DUSP22: variants seen among roughly 807,000 people sequenced by gnomAD.
The protein encoded by DUSP22 is dual specificity protein phosphatase 22.
DUSP22 carries 24 observed loss-of-function variants against 24.5 expected under a neutral mutation model. That is an observed-to-expected ratio of 0.98 (90% confidence interval 0.71 to 1.38). DUSP22 has a LOEUF of 1.38. DUSP22 is among the 40% of genes most tolerant of loss of function. The pLI is 0.00. For synonymous variants in DUSP22, 160 were observed against 106.4 expected (o/e 1.50, Z -3.10); for missense variants, 330 against 269.2 (o/e 1.23, Z -1.58).
chr6:339,295 C>T (rs1361419641), intron 4 of DUSP22, among the ~76,000 whole-genome samples: 12 of 152,304 alleles, frequency 7.9e-5, no homozygotes, highest in Admixed American at 6.5e-5. Flanking sequence ...CCTCTCTTCT[C>T]TCATCTGTAA....
rs1760080178 is a variant in DUSP22, at chr6:349,548, G to A, written c.*597G>A. 7.1e-6 allele frequency: 7 copies of A among 990,566 alleles called. No homozygotes were observed. Among genetic ancestry groups the A allele is most frequent in the Non-Finnish European group, 7.2e-6 (6 of 833,776 alleles). 61.4% of individuals were successfully genotyped at this position (990,566 alleles called of 1,614,324 possible). A position where few individuals can be genotyped will look rare whatever the true frequency, so the allele number is the denominator to read the frequency against. ...GTGGCTAAGAGCATGGCCTCTCCCA[G>A]AACCCACCCAGGGTGGTGTGGTGGG... On this transcript the variant is annotated 3_prime_UTR_variant, in exon 7 of 7. Transcript: ENST00000419235.
intron 3 of DUSP22, among the ~76,000 whole-genome samples, chr6:313,328 T>A (rs1353342794): frequency 1.3e-5 from 2 of 152,306 alleles, no homozygotes; most frequent in Admixed American, 6.5e-5. Flanking sequence ...GACCCTTAAA[T>A]CTGCTCACAT....
intron 3 of DUSP22, among the ~76,000 whole-genome samples, chr6:323,447 G>T (rs1053890749): frequency 6.6e-6 from 1 of 152,306 alleles, no homozygotes; most frequent in Non-Finnish European, 1.5e-5. Flanking sequence ...AGTTCTGGGC[G>T]TGGGAACGAA....
In DUSP22 at chr6:351,215, A is replaced by C; in HGVS notation, c.*2264A>C. The stretch of plus-strand genomic sequence containing the variant: ...AGCCCAGTGTAGTTGTGTGGCGTGA[A>C]CTCTGCCCGTGTGTTCTCAAATTCC... On this transcript the variant is annotated 3_prime_UTR_variant, in exon 7 of 7. Transcript: ENST00000419235. 1.7e-5 allele frequency: 5 copies of C among 293,042 alleles called. No homozygotes were observed. The highest frequency in any genetic ancestry group is 2.5e-5 in the Non-Finnish European group (4 of 157,274). 18.2% of individuals were successfully genotyped at this position (293,042 alleles called of 1,614,324 possible).
intron 1 of DUSP22, among the ~76,000 whole-genome samples, chr6:293,202 A>C (rs545964260): frequency 2.1e-4 from 32 of 152,386 alleles, no homozygotes; most frequent in Middle Eastern, 3.4e-3. Context: ...GTGTTGCTCC[A>C]TTTGTCCCGT....
intron 1 of DUSP22, among the ~76,000 whole-genome samples, chr6:303,088 G>A (rs1415336831): frequency 6.6e-6 from 1 of 152,304 alleles, no homozygotes; most frequent in African/African-American, 2.4e-5. Flanking sequence ...GAGCCACATG[G>A]CAATGATGCT....
Position 295,373 on chromosome 6 carries a change from C to A in DUSP22, c.21+2813C>A, listed in dbSNP as rs1192961271. 3.9e-5 allele frequency among the ~76,000 whole-genome samples: 6 copies of A among 152,392 alleles called. No individual in the cohort carries two copies. The East Asian group carries it at 1.2e-3, about 29-fold the overall frequency. ...GCTCTTCTTGTCGGTCCGTTCCGGGCTCCTGTACGGCGGAATATTGTGCCC... is the reference window on the plus strand; with the variant it reads ...GCTCTTCTTGTCGGTCCGTTCCGGGATCCTGTACGGCGGAATATTGTGCCC... On this transcript the variant is annotated intron_variant, in intron 1 of 6. Transcript: ENST00000419235.
intron 3 of DUSP22, among the ~76,000 whole-genome samples, chr6:324,845 G>A (rs1282674433): frequency 1.3e-5 from 2 of 152,306 alleles, no homozygotes; most frequent in Non-Finnish European, 2.9e-5. Context: ...CTGCAGCTGA[G>A]GGACCCATTC....
rs766099169 is a variant in DUSP22 at position 311,976 on chromosome 6, G to A, written c.138+14G>A. 1.5e-5 allele frequency: 24 copies of A among 1,607,304 alleles called. No homozygotes were observed. Among genetic ancestry groups the A allele is most frequent in the East Asian group, 9.0e-5 (4 of 44,566 alleles). Reference sequence around the variant, plus strand: ...CCTATGTTGGAGGTAAGAGAGCACCGTGGGGCGTGTGTGGGTGTCCTCATT... The same window carrying A: ...CCTATGTTGGAGGTAAGAGAGCACCATGGGGCGTGTGTGGGTGTCCTCATT... On this transcript the variant is annotated intron_variant, in intron 3 of 6. Transcript: ENST00000419235.
In DUSP22 at chr6:349,612, C is replaced by CTGGG; in HGVS notation, c.*662_*665dup. ...AGACTCCTCTAGAGGGAGGGTGGCTCTGGGGCCCTGGAAAACGTGAGAGAC... is the reference window on the plus strand; with the variant it reads ...AGACTCCTCTAGAGGGAGGGTGGCTCTGGGTGGGGCCCTGGAAAACGTGAGAGAC... On this transcript the variant is annotated 3_prime_UTR_variant, in exon 7 of 7. Coordinates refer to ENST00000419235, the MANE Select transcript of DUSP22 (RefSeq NM_001286555.3). 1.0e-6 allele frequency: 1 copy of CTGGG among 987,250 alleles called. No individual in the cohort carries two copies. The highest frequency in any genetic ancestry group is 1.1e-4 in the East Asian group (1 of 8,854). 61.2% of individuals were successfully genotyped at this position (987,250 alleles called of 1,614,324 possible). A position where few individuals can be genotyped will look rare whatever the true frequency, so the allele number is the denominator to read the frequency against.
chr6:346,429 G>GACACACACACACACAC (rs10642379), intron 5 of DUSP22, among the ~76,000 whole-genome samples: 17 of 151,198 alleles, frequency 1.1e-4, no homozygotes, highest in East Asian at 1.9e-4. Context: ...ATTTTGTGTA[G>GACACACACACACACAC]ACACACACAC....
chr6:295,395 G>A (rs1435928124), intron 1 of DUSP22, among the ~76,000 whole-genome samples: 2 of 152,286 alleles, frequency 1.3e-5, no homozygotes, highest in African/African-American at 4.8e-5. Context: ...GGAATATTGT[G>A]CCCGTTTCCG....
intron 4 of DUSP22, among the ~76,000 whole-genome samples, chr6:343,658 T>TGTGTGCATGTTTGC (rs11267680): frequency 6.0e-3 from 861 of 143,126 alleles, no homozygotes; most frequent in Non-Finnish European, 8.9e-3. Flanking sequence ...GCAGAACATG[T>TGTGTGCATGTTTGC]GTGTGCATGT....
At chr6:315,628 C>A (rs1369276666) in intron 3 of DUSP22, among the ~76,000 whole-genome samples, 1 of 152,312 alleles carries the variant, frequency 6.6e-6, no homozygotes, top group East Asian at 1.9e-4. Flanking sequence ...CCCTGCCATG[C>A]CATCACCAGC....
At position 345,868 on chromosome 6, in the gene DUSP22, A is replaced by G; in HGVS notation, c.203A>G (p.Lys68Arg). ...TCTTTTCCCAGGACAAGACATTTCA[A>G]AGAAAGTATTAAATTCATTCACGAG... ...SPSQNLTRHF[K>R]ESIKFIHECR... The change falls in exon 5 of 7, where the codon AAA (lysine) becomes AGA (arginine). Residue 68 changes from lysine (K) to arginine (R), a missense_variant. Coordinates refer to ENST00000419235, the MANE Select transcript of DUSP22 (RefSeq NM_001286555.3). 2 of 1,614,250 alleles carry G rather than the reference A, an allele frequency of 1.2e-6. No individual in the cohort carries two copies. Among genetic ancestry groups the G allele is most frequent in the East Asian group, 2.2e-5 (1 of 44,892 alleles).
At chr6:315,321 T>G (rs1382094437) in intron 3 of DUSP22, among the ~76,000 whole-genome samples, 1 of 152,302 alleles carries the variant, frequency 6.6e-6, no homozygotes, top group Non-Finnish European at 1.5e-5. Flanking sequence ...AAATCCCAGC[T>G]AAACAGGGTC....
intron 1 of DUSP22, 56 bp from the exon 2 acceptor site, chr6:304,572 C>A: frequency 6.2e-7 from 1 of 1,613,036 alleles, no homozygotes; most frequent in Non-Finnish European, 8.5e-7. Flanking sequence ...CCCCCTTCTG[C>A]AATACCATCC....
At chr6:338,472 A>G (rs1759460166) in intron 4 of DUSP22, among the ~76,000 whole-genome samples, 1 of 152,306 alleles carries the variant, frequency 6.6e-6, no homozygotes, top group Non-Finnish European at 1.5e-5. Flanking sequence ...GTTTATTACC[A>G]AGTATCAGGT....
At chr6:344,005 A>G (rs559589898) in intron 4 of DUSP22, among the ~76,000 whole-genome samples, 2 of 152,302 alleles carry the variant, frequency 1.3e-5, no homozygotes, top group East Asian at 3.8e-4. Flanking sequence ...GGAGAGGTAC[A>G]TGTGCTATCC....
Sources: gnomAD v4.1 joint callset for allele counts (sites outside exome capture counted in the v4.1 genomes callset) on GRCh38, gnomAD v4.1.1 for gene constraint, MANE v1.5 for transcripts, NCBI Gene and HGNC (gene_info 2026-07-23, HGNC 2026-07-21) for gene names.